Variants in BMP5 observed in about 807,000 individuals in gnomAD.
The protein encoded by BMP5 is bone morphogenetic protein 5.
In BMP5, 23 loss-of-function variants were observed where a neutral mutation model predicts 46.6. That is an observed-to-expected ratio of 0.49 (90% confidence interval 0.35 to 0.70). The LOEUF is 0.70. Ranked by LOEUF, BMP5 falls within the 30% of genes least tolerant of loss-of-function variation. The probability of loss-of-function intolerance (pLI) is 0.00; values close to 1 mark genes in which losing one functional copy is unlikely to be tolerated. For missense variants in BMP5, 545 were observed against 565.6 expected (o/e 0.96, Z 0.37); for synonymous variants, 204 against 191.9 (o/e 1.06, Z -0.52).
intron 4 of BMP5, chr6:55,772,927 C>A: frequency 2.0e-6 from 2 of 984,914 alleles, no homozygotes; most frequent in Non-Finnish European, 2.4e-6. Context: ...CAAATAAAAA[C>A]AAACAAATAA....
At chr6:55,780,470 A>AAAAAAAAAAAAAAAAAAAAG (rs1554181020) in intron 3 of BMP5, among the ~76,000 whole-genome samples, 9 of 131,720 alleles carry the variant, frequency 6.8e-5, no homozygotes, top group Non-Finnish European at 9.6e-5. Flanking sequence ...AAAAAAAAAA[A>AAAAAAAAAAAAAAAAAAAAG]AAAGAAAGAA....
intron 6 of BMP5, among the ~76,000 whole-genome samples, chr6:55,756,907 A>G (rs576483878): frequency 6.6e-6 from 1 of 152,020 alleles, no homozygotes; most frequent in Non-Finnish European, 1.5e-5. Context: ...GTTTCTCAAT[A>G]TATTAGTCAC....
At chr6:55,819,878 A>C (rs776198858) in intron 1 of BMP5, 31 bp from the exon 2 acceptor site, 3 of 1,548,662 alleles carry the variant, frequency 1.9e-6, no homozygotes, top group Non-Finnish European at 2.7e-6. Flanking sequence ...GAGGGGGAAA[A>C]AAGTTAGTCT....
At chr6:55,819,396 G>A (rs1776354474) in intron 2 of BMP5, among the ~76,000 whole-genome samples, 1 of 152,080 alleles carries the variant, frequency 6.6e-6, no homozygotes, top group African/African-American at 2.4e-5. Context: ...TGAGACAACA[G>A]ACCTAGAAAG....
chr6:55,773,903 C>T (rs1775105082), intron 4 of BMP5, 146 bp downstream of exon 4: 14 of 894,624 alleles, frequency 1.6e-5, no homozygotes, highest in South Asian at 1.4e-4. Flanking sequence ...ACTGATGAAA[C>T]ATTCTGGGAT....
At chr6:55,868,517 T>C (rs946986313) in intron 1 of BMP5, among the ~76,000 whole-genome samples, 2 of 152,166 alleles carry the variant, frequency 1.3e-5, no homozygotes, top group African/African-American at 4.8e-5. Context: ...TGTTTGTTTG[T>C]TTTTGTTGTT....
At chr6:55,781,676 C>T (rs1000433191) in intron 3 of BMP5, among the ~76,000 whole-genome samples, 4 of 146,198 alleles carry the variant, frequency 2.7e-5, no homozygotes, top group Non-Finnish European at 5.9e-5. Flanking sequence ...GATGTGATTT[C>T]GGCTCACTGC....
chr6:55,767,376 A>C (rs201461506), intron 4 of BMP5, among the ~76,000 whole-genome samples: 1 of 152,140 alleles, frequency 6.6e-6, no homozygotes, highest in East Asian at 1.9e-4. Flanking sequence ...GTGTACCACT[A>C]TTTTAAATTA....
chr6:55,804,555 G>A (rs554827822), intron 2 of BMP5, among the ~76,000 whole-genome samples: 1 of 152,080 alleles, frequency 6.6e-6, no homozygotes, highest in Non-Finnish European at 1.5e-5. Context: ...CCCCTGATTA[G>A]GATATTTCAC....
intron 2 of BMP5, among the ~76,000 whole-genome samples, chr6:55,818,311 TG>T (rs1562053133): frequency 6.6e-6 from 1 of 152,034 alleles, no homozygotes; most frequent in Non-Finnish European, 1.5e-5. Flanking sequence ...CAAACATAAG[TG>T]ATCTGATTAT....
chr6:55,758,462 G>C (rs1454159744), intron 6 of BMP5, among the ~76,000 whole-genome samples: 2 of 151,858 alleles, frequency 1.3e-5, no homozygotes, highest in Non-Finnish European at 2.9e-5. Flanking sequence ...CTAAGTTTCT[G>C]AGATTGAGGA....
intron 2 of BMP5, among the ~76,000 whole-genome samples, chr6:55,797,623 T>C (rs1418584816): frequency 6.8e-6 from 1 of 146,368 alleles, no homozygotes; most frequent in East Asian, 2.0e-4. Flanking sequence ...TCTTTTTTTT[T>C]TTTTTTTTTT....
intron 4 of BMP5, among the ~76,000 whole-genome samples, chr6:55,760,864 C>G (rs1774757950): frequency 6.6e-6 from 1 of 151,598 alleles, no homozygotes; most frequent in Admixed American, 6.6e-5. Context: ...TTCATTAATT[C>G]ATTCATACTC....
At chr6:55,832,956 A>T (rs72868902) in intron 1 of BMP5, among the ~76,000 whole-genome samples, 3,883 of 147,296 alleles carry the variant, frequency 0.026, 72 homozygotes, top group Non-Finnish European at 0.04. Context: ...ACAAAAATTT[A>T]AAAAAAAAAA....
intron 4 of BMP5, among the ~76,000 whole-genome samples, chr6:55,767,868 A>G (rs890509319): frequency 7.2e-5 from 11 of 152,114 alleles, no homozygotes; most frequent in Admixed American, 2.6e-4. Context: ...GAAAAGAATT[A>G]GCTCACGTTA....
intron 2 of BMP5, among the ~76,000 whole-genome samples, chr6:55,805,702 A>G (rs575955036): frequency 9.2e-5 from 14 of 152,248 alleles, no homozygotes; most frequent in Non-Finnish European, 1.6e-4. Flanking sequence ...AAGCATTCCT[A>G]TCTCTCCACA....
chr6:55,784,384 A>G (rs1351160266), intron 3 of BMP5, among the ~76,000 whole-genome samples: 1 of 151,920 alleles, frequency 6.6e-6, no homozygotes, highest in Non-Finnish European at 1.5e-5. Flanking sequence ...TACATGATAA[A>G]ACAGCAAAAT....
In BMP5 at chr6:55,857,175, G is replaced by A. The variant is rs572426957; in HGVS notation, c.490+17201C>T. 1.3e-3 allele frequency among the ~76,000 whole-genome samples: 204 copies of A among 152,068 alleles called. 1 individual carries two copies. Among genetic ancestry groups the A allele is most frequent in the Middle Eastern group, 3.4e-3 (1 of 294 alleles). ...CTTATTATTTGATTTAGAGTTTATCGATCACTCAACTGCTTCTTCAGTGGC... is the reference window on the plus strand; with the variant it reads ...CTTATTATTTGATTTAGAGTTTATCAATCACTCAACTGCTTCTTCAGTGGC... On this transcript the variant is annotated intron_variant, in intron 1 of 6. Transcript: ENST00000370830.
intron 1 of BMP5, among the ~76,000 whole-genome samples, chr6:55,867,801 T>C (rs1163108787): frequency 6.6e-6 from 1 of 152,178 alleles, no homozygotes; most frequent in Non-Finnish European, 1.5e-5. Context: ...TCTTATTATC[T>C]GCACTTTTTA....
Sources: allele counts gnomAD v4.1 joint callset (sites outside exome capture counted in the v4.1 genomes callset), GRCh38; gene constraint gnomAD v4.1.1; transcripts MANE v1.5; gene names NCBI Gene and HGNC (gene_info 2026-07-23, HGNC 2026-07-21).